THSD7B: variants seen among roughly 807,000 people sequenced by gnomAD.
THSD7B encodes thrombospondin type 1 domain containing 7B, also known as thrombospondin type-1 domain-containing protein 7B.
THSD7B carries 138 observed loss-of-function variants against 213.6 expected under a neutral mutation model. That is an observed-to-expected ratio of 0.65 (90% confidence interval 0.56 to 0.74). The LOEUF (loss-of-function observed/expected upper bound fraction) is 0.74, where lower values mean the gene tolerates loss of function less well. Ranked by LOEUF, THSD7B falls within the 30% of genes least tolerant of loss-of-function variation. The pLI is 0.00. For synonymous variants in THSD7B, 742 were observed against 687.0 expected (o/e 1.08, Z -1.25); for missense variants, 1,931 against 1,991.5 (o/e 0.97, Z 0.58).
chr2:136,815,965 A>G (rs1245025349), intron 1 of THSD7B, among the ~76,000 whole-genome samples: 5 of 152,048 alleles, frequency 3.3e-5, no homozygotes, highest in South Asian at 4.2e-4. Context: ...GCTCACTGCA[A>G]TCTCTGCCTC....
chr2:137,433,274 C>G (rs1482456311), intron 14 of THSD7B, among the ~76,000 whole-genome samples: 2 of 151,862 alleles, frequency 1.3e-5, no homozygotes, highest in African/African-American at 4.8e-5. Flanking sequence ...GTGTAATAGG[C>G]AAAGAACACT....
chr2:137,400,427 TG>T (rs1369475724), intron 12 of THSD7B, among the ~76,000 whole-genome samples: 1 of 152,162 alleles, frequency 6.6e-6, no homozygotes, highest in Non-Finnish European at 1.5e-5. Flanking sequence ...CTATGATGGT[TG>T]GGTAGGGTCA....
At chr2:137,139,675 G>A (rs760503489) in intron 5 of THSD7B, among the ~76,000 whole-genome samples, 4 of 152,144 alleles carry the variant, frequency 2.6e-5, no homozygotes, top group East Asian at 1.9e-4. Flanking sequence ...GAGAGTTAGC[G>A]ATTCCTCCAG....
intron 12 of THSD7B, among the ~76,000 whole-genome samples, chr2:137,317,189 G>A (rs1272952564): frequency 6.6e-6 from 1 of 152,156 alleles, no homozygotes; most frequent in South Asian, 2.1e-4. Flanking sequence ...AGTGAAATGA[G>A]ACTATCCTAC....
At chr2:137,621,655 G>A (rs1056963239) in intron 20 of THSD7B, among the ~76,000 whole-genome samples, 4 of 152,158 alleles carry the variant, frequency 2.6e-5, no homozygotes, top group African/African-American at 9.7e-5. Flanking sequence ...CAGAACTCTG[G>A]TCCTAAAGTA....
chr2:136,882,457 T>C, intron 2 of THSD7B, 140 bp downstream of exon 2: 1 of 994,550 alleles, frequency 1.0e-6, no homozygotes, highest in Non-Finnish European at 1.3e-6. Flanking sequence ...ATTCTGCAGC[T>C]CATATTTGAT....
chr2:137,169,168 A>G lies in THSD7B; in HGVS notation c.1526-1573A>G, dbSNP rs1451374433. ...AAGGGAGGTTCTGGGTTATCTTAGGAAAAAAAAAAAAAAAACTCAAAGCAC... is the reference window on the plus strand; with the variant it reads ...AAGGGAGGTTCTGGGTTATCTTAGGGAAAAAAAAAAAAAAACTCAAAGCAC... On this transcript the variant is annotated intron_variant, in intron 6 of 27. Coordinates refer to ENST00000409968, the MANE Select transcript of THSD7B (RefSeq NM_001316349.2). Among the ~76,000 whole-genome samples, 8 of 56,978 alleles carry G rather than the reference A, an allele frequency of 1.4e-4. No individual in the cohort carries two copies. In the East Asian group the frequency reaches 1.5e-3, roughly 10 times the overall value. 37.4% of individuals were successfully genotyped at this position (56,978 alleles called of 152,430 possible).
chr2:136,936,029 G>A lies in THSD7B; in HGVS notation c.139+53712G>A, dbSNP rs1027537354. 4.1e-5 allele frequency among the ~76,000 whole-genome samples: 6 copies of A among 148,108 alleles called. No homozygotes were observed. The South Asian group carries it at 6.4e-4, about 16-fold the overall frequency. On this transcript the variant is annotated intron_variant, in intron 2 of 27. Coordinates refer to ENST00000409968, the MANE Select transcript of THSD7B (RefSeq NM_001316349.2). ...TATTTCTAGAAATATATATATAGTCGAGGCCCTCTCTCCTGTTTAACAGCT... is the reference window on the plus strand; with the variant it reads ...TATTTCTAGAAATATATATATAGTCAAGGCCCTCTCTCCTGTTTAACAGCT...
chr2:137,308,803 A>C (rs1683819049), intron 12 of THSD7B, among the ~76,000 whole-genome samples: 1 of 152,256 alleles, frequency 6.6e-6, no homozygotes, highest in South Asian at 2.1e-4. Context: ...ATCTATATGT[A>C]TATGTACTGA....
At position 137,322,723 on chromosome 2, in the gene THSD7B, A is replaced by G. The variant is rs370660612; in HGVS notation, c.2500+46697A>G. ...AGATTTGATTAGACATTTGTTAACC[A>G]TGCATTAGCTGGGTTATCCTAATTT... On this transcript the variant is annotated intron_variant, in intron 12 of 27. Transcript: ENST00000409968. Among the ~76,000 whole-genome samples, 19 of 152,318 alleles carry G rather than the reference A, an allele frequency of 1.2e-4. No homozygotes were observed. In the East Asian group the frequency reaches 2.5e-3, roughly 20 times the overall value.
At chr2:137,538,760 T>C (rs1199167614) in intron 15 of THSD7B, among the ~76,000 whole-genome samples, 1 of 151,690 alleles carries the variant, frequency 6.6e-6, no homozygotes, top group Non-Finnish European at 1.5e-5. Flanking sequence ...CCTGGCTTAT[T>C]TTACGATAGG....
chr2:137,018,313 A>G (rs57824544), intron 2 of THSD7B, among the ~76,000 whole-genome samples: 13,454 of 152,234 alleles, frequency 0.088, 619 homozygotes, highest in Middle Eastern at 0.11. Flanking sequence ...TCCCATAGGC[A>G]TAAGGACATT....
intron 15 of THSD7B, among the ~76,000 whole-genome samples, chr2:137,457,436 C>T (rs1340167065): frequency 6.6e-6 from 1 of 152,144 alleles, no homozygotes; most frequent in Non-Finnish European, 1.5e-5. Flanking sequence ...CTGGAGACAG[C>T]TATAAAATTG....
At chr2:137,512,392 T>C (rs1679980776) in intron 15 of THSD7B, among the ~76,000 whole-genome samples, 1 of 126,652 alleles carries the variant, frequency 7.9e-6, no homozygotes, top group Non-Finnish European at 1.7e-5. Context: ...CTTTTTTTTT[T>C]TTTTTTTTTT....
chr2:137,363,414 C>A (rs1418239717), intron 12 of THSD7B, among the ~76,000 whole-genome samples: 4 of 151,902 alleles, frequency 2.6e-5, no homozygotes, highest in Non-Finnish European at 5.9e-5. Context: ...GACAGAGACA[C>A]AAAAAACCCT....
intron 12 of THSD7B, among the ~76,000 whole-genome samples, chr2:137,320,869 C>G (rs1684250490): frequency 6.6e-6 from 1 of 152,194 alleles, no homozygotes; most frequent in Non-Finnish European, 1.5e-5. Flanking sequence ...ATTTTTTTCT[C>G]TGAAGCCTTC....
At chr2:137,515,336 C>A (rs1358098467) in intron 15 of THSD7B, among the ~76,000 whole-genome samples, 1 of 152,178 alleles carries the variant, frequency 6.6e-6, no homozygotes, top group African/African-American at 2.4e-5. Flanking sequence ...AAGTGATAAA[C>A]CTTGCACTGC....
rs548903409 is a variant in THSD7B, at chr2:136,991,064, C to T, written c.140-65356C>T. On this transcript the variant is annotated intron_variant, in intron 2 of 27. Transcript: ENST00000409968. ...ATGGTTATGTGTTAAATAAAAAGGACCTGGACAAATGAAGTTCAATAGAAA... is the reference window on the plus strand; with the variant it reads ...ATGGTTATGTGTTAAATAAAAAGGATCTGGACAAATGAAGTTCAATAGAAA... 88 of 734,574 alleles carry T rather than the reference C, an allele frequency of 1.2e-4. No individual in the cohort carries two copies. In the South Asian group the frequency reaches 1.4e-3, roughly 11 times the overall value. 45.5% of individuals were successfully genotyped at this position (734,574 alleles called of 1,614,324 possible). A position where few individuals can be genotyped will look rare whatever the true frequency, so the allele number is the denominator to read the frequency against.
intron 15 of THSD7B, among the ~76,000 whole-genome samples, chr2:137,539,792 C>A (rs1210156811): frequency 6.6e-6 from 1 of 151,602 alleles, no homozygotes; most frequent in Admixed American, 6.6e-5. Context: ...ATTGTTTGAG[C>A]TTACTCACCC....
Sources: gnomAD v4.1 joint callset for allele counts (sites outside exome capture counted in the v4.1 genomes callset) on GRCh38, gnomAD v4.1.1 for gene constraint, MANE v1.5 for transcripts, NCBI Gene and HGNC (gene_info 2026-07-23, HGNC 2026-07-21) for gene names.